The following KLF8 variants were observed in gnomAD, a reference collection of about 807,000 sequenced individuals.
KLF8 encodes the protein KLF transcription factor 8.
Under a neutral mutation model 18.2 loss-of-function variants are expected in KLF8, and 10 were observed. That is an observed-to-expected ratio of 0.55 (90% CI 0.34 to 0.93). The LOEUF (loss-of-function observed/expected upper bound fraction) is 0.93. Among genes scored for constraint, KLF8 ranks in the 40% least tolerant of loss-of-function variants. The pLI, the probability that KLF8 is intolerant of heterozygous loss-of-function variation, is 0.02. For synonymous variants in KLF8, 109 were observed against 97.3 expected (o/e 1.12, Z -0.71); for missense variants, 264 against 277.9 (o/e 0.95, Z 0.36).
chrX:56,001,737 T>G, the KLF8 span, among the ~76,000 whole-genome samples: 2 of 111,914 alleles, frequency 1.8e-5, no homozygotes, highest in Admixed American at 9.5e-5. Context: ...GTAAAAGTCA[T>G]CAGTGGCTTC....
the KLF8 span, among the ~76,000 whole-genome samples, chrX:55,928,855 G>A: frequency 8.9e-6 from 1 of 111,935 alleles, no homozygotes; most frequent in Non-Finnish European, 1.9e-5. Flanking sequence ...CTTTGTAGTA[G>A]CATGATTTGT....
At chrX:56,074,638 G>A in the KLF8 span, 1 of 139,983 alleles carries the variant, frequency 7.1e-6, no homozygotes. Flanking sequence ...TTCTAATTCA[G>A]TGGTCTATAT....
the KLF8 span, among the ~76,000 whole-genome samples, chrX:56,220,358 T>A: frequency 8.9e-6 from 1 of 112,214 alleles, no homozygotes; most frequent in Non-Finnish European, 1.9e-5. Context: ...ACTCTGGAGG[T>A]GGGACCCTGC....
the KLF8 span, chrX:55,961,893 G>T: frequency 9.4e-6 from 2 of 212,713 alleles, no homozygotes; most frequent in South Asian, 7.1e-5. Context: ...CAGTGGTGAA[G>T]AAAAATAATC....
At chrX:56,219,849 C>CA in the KLF8 span, among the ~76,000 whole-genome samples, 1 of 111,167 alleles carries the variant, frequency 9.0e-6, no homozygotes, top group Non-Finnish European at 1.9e-5. Flanking sequence ...CAGACTGTCT[C>CA]AAAAAAAGAA....
chrX:56,147,564 A>G, the KLF8 span, among the ~76,000 whole-genome samples: 8 of 112,816 alleles, frequency 7.1e-5, no homozygotes, highest in Non-Finnish European at 1.5e-4. Context: ...TATCAAGAAC[A>G]GGAAAACCTA....
the KLF8 span, among the ~76,000 whole-genome samples, chrX:56,087,913 A>T: frequency 1.9e-5 from 2 of 105,067 alleles, no homozygotes; most frequent in Non-Finnish European, 3.9e-5. Flanking sequence ...GTCTTGGGTA[A>T]TTTTTTTTTT....
At chrX:55,987,443 A>G in the KLF8 span, among the ~76,000 whole-genome samples, 326 of 110,463 alleles carry the variant, frequency 3.0e-3, no homozygotes, top group Middle Eastern at 0.019. Context: ...GAGGGAGAAC[A>G]TGTGGTGTTT....
chrX:55,954,327 T>C, the KLF8 span, among the ~76,000 whole-genome samples: 2 of 111,819 alleles, frequency 1.8e-5, no homozygotes, highest in Non-Finnish European at 1.9e-5. Flanking sequence ...AAATCCCATG[T>C]CATTATAATT....
the KLF8 span, among the ~76,000 whole-genome samples, chrX:56,194,872 C>G: frequency 2.7e-5 from 3 of 112,259 alleles, no homozygotes; most frequent in Non-Finnish European, 5.6e-5. Context: ...AAGGATCAGA[C>G]AGCAATATTT....
At chrX:55,916,285 G>A in the KLF8 span, among the ~76,000 whole-genome samples, 1 of 111,886 alleles carries the variant, frequency 8.9e-6, no homozygotes, top group African/African-American at 3.2e-5. Context: ...CCACTTTGTA[G>A]TAACTTCTTG....
At chrX:56,057,041 T>G in the KLF8 span, among the ~76,000 whole-genome samples, 3 of 68,917 alleles carry the variant, frequency 4.4e-5, no homozygotes, top group African/African-American at 1.0e-4. Flanking sequence ...TAACAGGGGC[T>G]TGGGGGACTG....
chrX:56,183,295 C>A, the KLF8 span, among the ~76,000 whole-genome samples: 1 of 112,204 alleles, frequency 8.9e-6, no homozygotes, highest in Non-Finnish European at 1.9e-5. Context: ...TCTCCTGGTT[C>A]CCCATTTACT....
chrX:56,150,020 G>GCTCTA, the KLF8 span, among the ~76,000 whole-genome samples: 71 of 112,052 alleles, frequency 6.3e-4, no homozygotes, highest in Non-Finnish European at 1.3e-3. Context: ...AAATATCTTT[G>GCTCTA]CTCTACTTGA....
chrX:56,208,719 A>G, the KLF8 span, among the ~76,000 whole-genome samples: 95 of 111,605 alleles, frequency 8.5e-4, no homozygotes, highest in Admixed American at 5.6e-3. Flanking sequence ...TCATTGATTC[A>G]CTGATCATTG....
At chrX:56,097,198 A>G in the KLF8 span, among the ~76,000 whole-genome samples, 1 of 111,519 alleles carries the variant, frequency 9.0e-6, no homozygotes, top group South Asian at 3.8e-4. Context: ...GCTAAAGAAG[A>G]AAAATTATAT....
chrX:56,197,110 T>C, the KLF8 span, among the ~76,000 whole-genome samples: 1 of 111,260 alleles, frequency 9.0e-6, no homozygotes, highest in Non-Finnish European at 1.9e-5. Flanking sequence ...TAGAGGGAAA[T>C]TTATAGCACT....
At chrX:56,173,022 G>A in the KLF8 span, among the ~76,000 whole-genome samples, 1 of 111,702 alleles carries the variant, frequency 9.0e-6, no homozygotes, top group Non-Finnish European at 1.9e-5. Context: ...TGAGAACATT[G>A]CAAAAATTTT....
chrX:55,937,645 C>T, the KLF8 span, among the ~76,000 whole-genome samples: 4 of 111,597 alleles, frequency 3.6e-5, no homozygotes, highest in Non-Finnish European at 7.5e-5. Flanking sequence ...AGACAAACGA[C>T]TAACTAGAAT....
Sources: allele counts gnomAD v4.1 joint callset (sites outside exome capture counted in the v4.1 genomes callset), GRCh38; gene constraint gnomAD v4.1.1; transcripts MANE v1.5; gene names NCBI Gene and HGNC (gene_info 2026-07-23, HGNC 2026-07-21).